Variants in EDIL3 observed in about 807,000 individuals in gnomAD.
EDIL3 encodes EGF-like repeat and discoidin I-like domain-containing protein 3.
Under a neutral mutation model 67.4 loss-of-function variants are expected in EDIL3, and 37 were observed. The ratio of observed to expected loss-of-function variants is 0.55; its 90% CI spans 0.42 to 0.72. EDIL3 has a LOEUF of 0.72. EDIL3 is among the 30% of genes least tolerant of loss of function. The probability of loss-of-function intolerance (pLI) is 0.00; values close to 1 mark genes in which losing one functional copy is unlikely to be tolerated. For synonymous variants in EDIL3, 195 were observed against 196.3 expected (o/e 0.99, Z 0.05); for missense variants, 527 against 586.3 (o/e 0.90, Z 1.04).
intron 5 of EDIL3, among the ~76,000 whole-genome samples, chr5:84,131,910 T>C (rs1378374127): frequency 6.6e-6 from 1 of 152,062 alleles, no homozygotes; most frequent in Non-Finnish European, 1.5e-5. Flanking sequence ...TAAACAAATA[T>C]ACTTGGTAGT....
At chr5:83,965,497 A>G (rs971328068) in intron 9 of EDIL3, among the ~76,000 whole-genome samples, 3 of 152,084 alleles carry the variant, frequency 2.0e-5, no homozygotes, top group Admixed American at 6.6e-5. Context: ...GTGTTTTGCT[A>G]TCACAGGCAG....
At chr5:84,029,160 A>C (rs1232204936) in intron 9 of EDIL3, among the ~76,000 whole-genome samples, 1 of 152,104 alleles carries the variant, frequency 6.6e-6, no homozygotes, top group Non-Finnish European at 1.5e-5. Context: ...TGGAGGCTGA[A>C]GCAAGAGAAT....
intron 2 of EDIL3, among the ~76,000 whole-genome samples, chr5:84,247,754 A>G (rs974753639): frequency 6.6e-6 from 1 of 152,044 alleles, no homozygotes; most frequent in African/African-American, 2.4e-5. Flanking sequence ...CTGAATATAT[A>G]TATGTATTTT....
intron 1 of EDIL3, among the ~76,000 whole-genome samples, chr5:84,338,380 C>A (rs1174176703): frequency 6.6e-6 from 1 of 152,262 alleles, no homozygotes; most frequent in East Asian, 1.9e-4. Flanking sequence ...GAGGACCATT[C>A]CTTGTAAGAT....
intron 5 of EDIL3, among the ~76,000 whole-genome samples, chr5:84,112,528 C>T (rs1747582266): frequency 6.6e-6 from 1 of 152,138 alleles, no homozygotes; most frequent in African/African-American, 2.4e-5. Context: ...ATCATTCTTG[C>T]TGTTGGATTG....
chr5:83,999,393 A>G (rs896198477), intron 9 of EDIL3, among the ~76,000 whole-genome samples: 2 of 152,162 alleles, frequency 1.3e-5, no homozygotes, highest in African/African-American at 4.8e-5. Context: ...GCTCAATGAA[A>G]TTCAAGATAA....
chr5:84,180,750 G>A (rs1749000466), intron 3 of EDIL3, among the ~76,000 whole-genome samples: 1 of 152,092 alleles, frequency 6.6e-6, no homozygotes. Flanking sequence ...CTCCATGCCT[G>A]TTTCCTTTTC....
At chr5:84,377,289 G>A (rs1242906210) in intron 1 of EDIL3, among the ~76,000 whole-genome samples, 13 of 150,744 alleles carry the variant, frequency 8.6e-5, no homozygotes, top group Non-Finnish European at 1.8e-4. Flanking sequence ...CTGCAGCCTG[G>A]GTAGCGAGAC....
At chr5:84,221,091 C>G (rs1237035089) in intron 3 of EDIL3, among the ~76,000 whole-genome samples, 1 of 151,822 alleles carries the variant, frequency 6.6e-6, no homozygotes, top group African/African-American at 2.4e-5. Context: ...TTTCTGTTAC[C>G]TAGAACTAAG....
At chr5:84,057,789 C>A (rs1746475952) in intron 9 of EDIL3, among the ~76,000 whole-genome samples, 1 of 152,014 alleles carries the variant, frequency 6.6e-6, no homozygotes, top group African/African-American at 2.4e-5. Flanking sequence ...ATGAATCATT[C>A]ATTTATTCAT....
chr5:84,117,716 A>C (rs1278677291), intron 5 of EDIL3, among the ~76,000 whole-genome samples: 2 of 151,900 alleles, frequency 1.3e-5, no homozygotes, highest in Non-Finnish European at 2.9e-5. Context: ...AAGAGGACTT[A>C]ATACTTTTTT....
At chr5:84,377,446 C>T (rs1747991850) in intron 1 of EDIL3, among the ~76,000 whole-genome samples, 1 of 152,072 alleles carries the variant, frequency 6.6e-6, no homozygotes, top group African/African-American at 2.4e-5. Flanking sequence ...CCAATGTTTC[C>T]ACTCAATTGT....
intron 4 of EDIL3, among the ~76,000 whole-genome samples, chr5:84,137,595 C>A (rs1748117118): frequency 6.6e-6 from 1 of 152,044 alleles, no homozygotes; most frequent in Non-Finnish European, 1.5e-5. Flanking sequence ...GGAACTAAAC[C>A]ACTCTCCCAT....
At chr5:84,033,072 T>C (rs759351096) in intron 9 of EDIL3, among the ~76,000 whole-genome samples, 3 of 152,146 alleles carry the variant, frequency 2.0e-5, no homozygotes, top group Non-Finnish European at 2.9e-5. Context: ...GGTATACCCA[T>C]CAAGGAATTT....
At chr5:84,312,504 AG>A (rs1225106664) in intron 1 of EDIL3, among the ~76,000 whole-genome samples, 1 of 96,108 alleles carries the variant, frequency 1.0e-5, no homozygotes, top group Non-Finnish European at 2.1e-5. Context: ...CTGGCCGGGC[AG>A]GGGGCTGACC....
chr5:84,115,983 C>T (rs1747656160), intron 5 of EDIL3, among the ~76,000 whole-genome samples: 1 of 152,292 alleles, frequency 6.6e-6, no homozygotes, highest in Non-Finnish European at 1.5e-5. Context: ...CATCAGGCTA[C>T]GTGCCCTAAG....
intron 9 of EDIL3, among the ~76,000 whole-genome samples, chr5:84,027,802 C>CA (rs1478620937): frequency 6.6e-6 from 1 of 151,688 alleles, no homozygotes; most frequent in Non-Finnish European, 1.5e-5. Flanking sequence ...AGTCTGAACT[C>CA]AAAAAAGAAA....
chr5:84,127,120 A>C (rs1207419150), intron 5 of EDIL3, among the ~76,000 whole-genome samples: 1 of 151,986 alleles, frequency 6.6e-6, no homozygotes, highest in Non-Finnish European at 1.5e-5. Flanking sequence ...ATTTTTCGGG[A>C]TTTCGTAGTT....
intron 4 of EDIL3, among the ~76,000 whole-genome samples, chr5:84,160,531 T>G (rs1748584063): frequency 6.6e-6 from 1 of 152,096 alleles, no homozygotes; most frequent in South Asian, 2.1e-4. Flanking sequence ...ATTTTGTGTT[T>G]TATTTTTTGC....
Sources: allele counts gnomAD v4.1 joint callset (sites outside exome capture counted in the v4.1 genomes callset), GRCh38; gene constraint gnomAD v4.1.1; transcripts MANE v1.5; gene names NCBI Gene and HGNC (gene_info 2026-07-23, HGNC 2026-07-21).